ZBBX: variants seen among roughly 807,000 people sequenced by gnomAD.
The protein encoded by ZBBX is zinc finger B-box domain containing, also known as zinc finger B-box domain-containing protein 1.
Under a neutral mutation model 108.5 loss-of-function variants are expected in ZBBX, and 101 were observed. The observed-to-expected ratio is 0.93, with a 90% CI of 0.79 to 1.10. ZBBX has a LOEUF of 1.10. Ranked by LOEUF, ZBBX falls within the 50% of genes least tolerant of loss-of-function variation. The pLI, the probability that ZBBX is intolerant of heterozygous loss-of-function variation, is 0.00. For synonymous variants in ZBBX, 356 were observed against 323.4 expected (o/e 1.10, Z -1.08); for missense variants, 1,009 against 941.4 (o/e 1.07, Z -0.94).
chr3:167,282,924 T>C (rs1729063478), intron 19 of ZBBX, among the ~76,000 whole-genome samples: 1 of 152,218 alleles, frequency 6.6e-6, no homozygotes, highest in Non-Finnish European at 1.5e-5. Context: ...ATCGTGCCAC[T>C]TCCTAGTAAA....
chr3:167,367,968 G>GTATATATATATATA (rs927024323), intron 5 of ZBBX, among the ~76,000 whole-genome samples: 1 of 21,908 alleles, frequency 4.6e-5, no homozygotes, highest in African/African-American at 1.4e-4. Flanking sequence ...TTATATATAT[G>GTATATATATATATA]TATATATATA....
rs147959460 is a variant in ZBBX, at chr3:167,301,539, T to C, written c.1726-3081A>G. On this transcript the variant is annotated intron_variant, in intron 17 of 21. Transcript: ENST00000675490. ...CATTAATTTTTACTTTTTTCTTGCA[T>C]TTGGGATTATAAATTTCCCAGTAAG... 3.8e-3 allele frequency among the ~76,000 whole-genome samples: 584 copies of C among 152,374 alleles called. 1 individual carries two copies. Among genetic ancestry groups the C allele is most frequent in the African/African-American group, 0.013 (558 of 41,594 alleles).
chr3:167,366,827 T>C (rs1364365224), intron 5 of ZBBX: 1 of 455,904 alleles, frequency 2.2e-6, no homozygotes, highest in Non-Finnish European at 4.4e-6. Flanking sequence ...AGTATCATGA[T>C]CCATTTAGAA....
intron 1 of ZBBX, chr3:167,392,799 G>A (rs1052653648): frequency 3.3e-5 from 5 of 151,814 alleles, no homozygotes; most frequent in African/African-American, 1.2e-4. Flanking sequence ...CAGATTTTAG[G>A]TGGATGTTAA....
At chr3:167,304,806 A>AT (rs1177474627) in intron 17 of ZBBX, among the ~76,000 whole-genome samples, 1 of 151,954 alleles carries the variant, frequency 6.6e-6, no homozygotes, top group Admixed American at 6.6e-5. Flanking sequence ...CTGATCAGAC[A>AT]TTTAGGGGTC....
chr3:167,191,930 T>TAGAGAGAGAGAGAG, the ZBBX span, among the ~76,000 whole-genome samples: 184 of 127,262 alleles, frequency 1.4e-3, no homozygotes, highest in African/African-American at 5.8e-3. Flanking sequence ...TATATATATA[T>TAGAGAGAGAGAGAG]ATATAGAGCA....
chr3:167,242,632 T>C lies in ZBBX; in HGVS notation c.2266A>G (p.Lys756Glu). Residue 756 changes from lysine to glutamate, a missense_variant, in exon 21 of 22, where the codon AAG becomes GAG. Transcript: ENST00000675490. ...VLRSLADTSE[K>E]LYSLTSEEFP... Reference sequence around the variant, plus strand: ...TCTTCTGAGGTTAAGCTGTAAAGCTTTTCTGAAGTATCTGAAATATTTTAT... The same window carrying C: ...TCTTCTGAGGTTAAGCTGTAAAGCTCTTCTGAAGTATCTGAAATATTTTAT... 6.2e-7 allele frequency: 1 copy of C among 1,610,044 alleles called. No individual in the cohort carries two copies.
At chr3:167,339,590 C>T (rs1308954063) in intron 9 of ZBBX, among the ~76,000 whole-genome samples, 4 of 152,112 alleles carry the variant, frequency 2.6e-5, no homozygotes, top group African/African-American at 9.7e-5. Context: ...TGGCCTTCTC[C>T]TAGCCCTAAT....
rs370270779 is a variant in ZBBX at position 167,350,513 on chromosome 3, T to C, written c.435A>G (p.Val145=). The part of the protein sequence containing the change: ...GQCENKAALL[V]CLECGEDYCS... The stretch of plus-strand genomic sequence containing the variant: ...AATAATCTTCTCCACATTCAAGGCA[T>C]ACCTAAAAAGATATTTTTTAAAAAA... Residue 145 remains valine, a splice_region_variant and synonymous_variant, in exon 9 of 22, where the codon GTA becomes GTG. Transcript: ENST00000675490. 3 of 1,570,496 alleles carry C rather than the reference T, an allele frequency of 1.9e-6. No homozygotes were observed. Among genetic ancestry groups the C allele is most frequent in the Non-Finnish European group, 2.6e-6 (3 of 1,156,644 alleles).
chr3:167,274,139 G>A lies in ZBBX; in HGVS notation c.2254+8099C>T, dbSNP rs114779333. Among the ~76,000 whole-genome samples, 468 of 152,246 alleles carry A rather than the reference G, an allele frequency of 3.1e-3. 3 individuals carry two copies. Among genetic ancestry groups the A allele is most frequent in the African/African-American group, 0.011 (452 of 41,548 alleles). On this transcript the variant is annotated intron_variant, in intron 20 of 21. Transcript: ENST00000675490. ...CTTTATCCCAAACAATACTGCCCCC[G>A]ACAGAAGCATAACAAAGGCCTTACA...
At chr3:167,396,676 A>G (rs1328705850) in intron 1 of ZBBX, among the ~76,000 whole-genome samples, 1 of 152,066 alleles carries the variant, frequency 6.6e-6, no homozygotes, top group Non-Finnish European at 1.5e-5. Context: ...ATAAACTTCT[A>G]AAATAGACTT....
downstream of ZBBX, among the ~76,000 whole-genome samples, chr3:167,237,594 A>T (rs906355096): frequency 6.6e-6 from 1 of 151,940 alleles, no homozygotes; most frequent in Non-Finnish European, 1.5e-5. Context: ...TGCTTCAGGC[A>T]AAGGCTCTAA....
At chr3:167,249,419 G>A (rs1047255615) in intron 20 of ZBBX, among the ~76,000 whole-genome samples, 8 of 152,210 alleles carry the variant, frequency 5.3e-5, no homozygotes, top group African/African-American at 1.9e-4. Flanking sequence ...CCCCAGCAGA[G>A]GATCCAGCTA....
the ZBBX span, among the ~76,000 whole-genome samples, chr3:167,190,632 G>A: frequency 3.3e-5 from 5 of 152,148 alleles, no homozygotes; most frequent in African/African-American, 9.6e-5. Flanking sequence ...TGCCCACCTC[G>A]GCCTCCCAAA....
In ZBBX at chr3:167,362,966, C is replaced by T. The variant is rs1163715407; in HGVS notation, c.274-2243G>A. Among the ~76,000 whole-genome samples the T allele has an allele frequency of 2.0e-5, 3 of 151,872 alleles. No homozygotes were observed. In the South Asian group the frequency reaches 6.2e-4, roughly 32 times the overall value. On this transcript the variant is annotated intron_variant, in intron 6 of 21. Coordinates refer to ENST00000675490, the MANE Select transcript of ZBBX (RefSeq NM_001199201.2). ...TAGAGACTTCAATGCACATGTTCACCTGACATCCTGGTTTGAAGACCCTCC... is the reference window on the plus strand; with the variant it reads ...TAGAGACTTCAATGCACATGTTCACTTGACATCCTGGTTTGAAGACCCTCC...
chr3:167,371,274 T>C (rs1303101112), intron 4 of ZBBX, among the ~76,000 whole-genome samples: 1 of 152,168 alleles, frequency 6.6e-6, no homozygotes, highest in Admixed American at 6.5e-5. Context: ...ATTGGATATG[T>C]CTGAGAAGTC....
chr3:167,322,342 T>C (rs562894767), intron 11 of ZBBX, 105 bp from the exon 12 acceptor site: 3 of 896,082 alleles, frequency 3.3e-6, no homozygotes, highest in Middle Eastern at 5.0e-4. Flanking sequence ...ATATATGCTT[T>C]AATATTTACT....
At chr3:167,245,842 T>A (rs1027915464) in intron 20 of ZBBX, among the ~76,000 whole-genome samples, 3 of 151,880 alleles carry the variant, frequency 2.0e-5, no homozygotes, top group East Asian at 3.9e-4. Flanking sequence ...AAGTTGTAAG[T>A]TTTTTTTATA....
chr3:167,192,744 T>C, the ZBBX span, among the ~76,000 whole-genome samples: 1 of 152,212 alleles, frequency 6.6e-6, no homozygotes, highest in East Asian at 1.9e-4. Context: ...TGATCTTTTC[T>C]GCTGTTAAGA....
Sources: gnomAD v4.1 joint callset for allele counts (sites outside exome capture counted in the v4.1 genomes callset) on GRCh38, gnomAD v4.1.1 for gene constraint, MANE v1.5 for transcripts, NCBI Gene and HGNC (gene_info 2026-07-23, HGNC 2026-07-21) for gene names.